Variants in TMPRSS11A observed in about 807,000 individuals in gnomAD.
TMPRSS11A encodes transmembrane protease serine 11A.
In TMPRSS11A, 53 loss-of-function variants were observed where a neutral mutation model predicts 58.9. The observed-to-expected ratio is 0.90, with a 90% CI of 0.72 to 1.13. The LOEUF (loss-of-function observed/expected upper bound fraction) is 1.13. Among genes scored for constraint, TMPRSS11A ranks in the 50% most tolerant of loss-of-function variants. TMPRSS11A has a pLI of 0.00. For missense variants in TMPRSS11A, 493 were observed against 499.3 expected (o/e 0.99, Z 0.12); for synonymous variants, 167 against 169.8 (o/e 0.98, Z 0.13).
chr4:67,957,828 G>T (rs535217677), intron 1 of TMPRSS11A, among the ~76,000 whole-genome samples: 1 of 152,204 alleles, frequency 6.6e-6, no homozygotes, highest in East Asian at 1.9e-4. Flanking sequence ...GGAGACCTAG[G>T]AGGAAAAAAT....
intron 3 of TMPRSS11A, among the ~76,000 whole-genome samples, chr4:67,941,163 G>T (rs569553743): frequency 5.1e-4 from 77 of 152,264 alleles, no homozygotes; most frequent in African/African-American, 1.8e-3. Context: ...ATTCAAATCA[G>T]TAAAGCCCAA....
chr4:67,948,101 G>A, intron 1 of TMPRSS11A, among the ~76,000 whole-genome samples: 1 of 149,292 alleles, frequency 6.7e-6, no homozygotes, highest in Admixed American at 6.6e-5. Context: ...CACAGGATTG[G>A]TTGATTTATA....
chr4:67,914,528 A>G lies in TMPRSS11A; in HGVS notation c.1095+60T>C, dbSNP rs530910698. 26 of 1,498,234 alleles carry G rather than the reference A, an allele frequency of 1.7e-5. No individual in the cohort carries two copies. In the East Asian group the frequency reaches 5.2e-4, roughly 30 times the overall value. The allele number at this position is 1,498,234 out of a possible 1,614,324, so 92.8% of individuals were successfully genotyped here. On this transcript the variant is annotated intron_variant, in intron 9 of 9. Coordinates refer to ENST00000508048, the MANE Select transcript of TMPRSS11A (RefSeq NM_001114387.2). ...TGTCCTTATGTAAAGAACATATAAT[A>G]TATTCTGAGCCAGATACAAATTTTT...
In TMPRSS11A at chr4:67,963,399, G is replaced by A; in HGVS notation, c.-6C>T. The A allele has an allele frequency of 6.2e-7, 1 of 1,613,558 alleles. No individual in the cohort carries two copies. The highest frequency in any genetic ancestry group is 8.5e-7 in the Non-Finnish European group (1 of 1,179,794). On this transcript the variant is annotated 5_prime_UTR_variant, in exon 1 of 10. Transcript: ENST00000508048. The stretch of plus-strand genomic sequence containing the variant: ...TGAACTTACCGATACATCATGTACA[G>A]GAGGAAGAATATGATCTTGCAGGTC...
chr4:67,944,835 T>A (rs1209558624), intron 2 of TMPRSS11A, among the ~76,000 whole-genome samples, 198 bp from the exon 3 acceptor site: 2 of 152,222 alleles, frequency 1.3e-5, no homozygotes, highest in African/African-American at 2.4e-5. Flanking sequence ...TGGCAGGCAC[T>A]GTCCTGTGCA....
chr4:67,936,433 G>C (rs775474396), intron 3 of TMPRSS11A, among the ~76,000 whole-genome samples: 2 of 151,260 alleles, frequency 1.3e-5, no homozygotes, highest in Non-Finnish European at 1.5e-5. Flanking sequence ...CTCACAGAAG[G>C]CTTTTTGGCC....
At chr4:67,955,922 G>A (rs1411115037) in intron 1 of TMPRSS11A, among the ~76,000 whole-genome samples, 3 of 152,202 alleles carry the variant, frequency 2.0e-5, no homozygotes, top group Middle Eastern at 3.2e-3. Flanking sequence ...AAAAATGAGA[G>A]TTTAAGATTT....
chr4:67,961,412 A>G (rs1455631696), intron 1 of TMPRSS11A, among the ~76,000 whole-genome samples: 1 of 150,974 alleles, frequency 6.6e-6, no homozygotes, highest in Non-Finnish European at 1.5e-5. Flanking sequence ...AGAAACCATA[A>G]CCATTCAATG....
chr4:67,953,139 A>G (rs1350322324), intron 1 of TMPRSS11A, among the ~76,000 whole-genome samples: 1 of 152,162 alleles, frequency 6.6e-6, no homozygotes, highest in Non-Finnish European at 1.5e-5. Flanking sequence ...CTGATCTAAC[A>G]GGAGGGAGAG....
In TMPRSS11A at chr4:67,946,447, T is replaced by G. The variant is rs1427687340; in HGVS notation, c.133+3A>C. 6.3e-7 allele frequency: 1 copy of G among 1,587,908 alleles called. No individual in the cohort carries two copies. Among genetic ancestry groups the G allele is most frequent in the Admixed American group, 1.8e-5 (1 of 54,308 alleles). On this transcript the variant is annotated splice_donor_region_variant and intron_variant, in intron 2 of 9. Coordinates refer to ENST00000508048, the MANE Select transcript of TMPRSS11A (RefSeq NM_001114387.2). ...ATAGAGTGAAATCTTTAATTTTACC[T>G]ACCAAATACTAGGAAGTGAACCAGG...
chr4:67,956,921 T>C (rs1202306288), intron 1 of TMPRSS11A, among the ~76,000 whole-genome samples: 1 of 152,200 alleles, frequency 6.6e-6, no homozygotes, highest in Non-Finnish European at 1.5e-5. Flanking sequence ...TGGGAGGTAA[T>C]TGAATCATGG....
At chr4:67,952,220 A>G (rs141167949) in intron 1 of TMPRSS11A, among the ~76,000 whole-genome samples, 7 of 152,342 alleles carry the variant, frequency 4.6e-5, no homozygotes, top group African/African-American at 1.7e-4. Flanking sequence ...TGAGAGAGCA[A>G]TAACTTGCTC....
chr4:67,922,158 T>G (rs1006340525), intron 7 of TMPRSS11A, among the ~76,000 whole-genome samples: 1 of 152,236 alleles, frequency 6.6e-6, no homozygotes, highest in Non-Finnish European at 1.5e-5. Flanking sequence ...AGGGCCTCTA[T>G]GAATCCTTTG....
In TMPRSS11A at chr4:67,963,449, A is replaced by C; in HGVS notation, c.-56T>G. 1 of 1,585,968 alleles carries C rather than the reference A, an allele frequency of 6.3e-7. No homozygotes were observed. The highest frequency in any genetic ancestry group is 8.6e-7 in the Non-Finnish European group (1 of 1,157,106). ...CTGCACCCACTGAACTCAACTTTCT[A>C]ATCAACTATATGACATCTCTAGATG... On this transcript the variant is annotated 5_prime_UTR_variant, in exon 1 of 10. It adds an upstream start codon to the 5' untranslated region. Transcript: ENST00000508048.
chr4:67,960,713 G>T (rs1300720963), intron 1 of TMPRSS11A, among the ~76,000 whole-genome samples: 1 of 152,110 alleles, frequency 6.6e-6, no homozygotes, highest in African/African-American at 2.4e-5. Context: ...ATTAGGAATT[G>T]CTCATGGCAA....
chr4:67,926,189 T>C (rs1720461603), intron 5 of TMPRSS11A, among the ~76,000 whole-genome samples: 1 of 152,072 alleles, frequency 6.6e-6, no homozygotes, highest in Non-Finnish European at 1.5e-5. Flanking sequence ...TTAGCTTTGC[T>C]TTGTCACACT....
At chr4:67,934,274 G>A (rs1720699661) in intron 3 of TMPRSS11A, among the ~76,000 whole-genome samples, 1 of 152,148 alleles carries the variant, frequency 6.6e-6, no homozygotes. Flanking sequence ...TGAATTTACA[G>A]CAGGAGGAAA....
intron 6 of TMPRSS11A, 138 bp from the exon 7 acceptor site, chr4:67,923,064 A>G: frequency 1.4e-6 from 1 of 718,982 alleles, no homozygotes. Context: ...CACTGGATTC[A>G]TGGCCTCTTC....
chr4:67,944,386 T>C (rs543445702), intron 3 of TMPRSS11A, 133 bp downstream of exon 3: 121 of 1,019,572 alleles, frequency 1.2e-4, no homozygotes, highest in Non-Finnish European at 1.6e-5. Context: ...AGGTCTGGGA[T>C]GGGGCCTAGC....
Sources: gnomAD v4.1 joint callset for allele counts (sites outside exome capture counted in the v4.1 genomes callset) on GRCh38, gnomAD v4.1.1 for gene constraint, MANE v1.5 for transcripts, NCBI Gene and HGNC (gene_info 2026-07-23, HGNC 2026-07-21) for gene names.